ZNF804B: variants seen among roughly 807,000 people sequenced by gnomAD.
ZNF804B encodes the protein zinc finger 804B.
A neutral mutation model predicts 101.4 loss-of-function variants in ZNF804B; 80 were observed. That is an observed-to-expected ratio of 0.79 (90% CI 0.66 to 0.95). The LOEUF (loss-of-function observed/expected upper bound fraction) is 0.95, where lower values mean the gene tolerates loss of function less well. Ranked by LOEUF, ZNF804B falls within the 40% of genes least tolerant of loss-of-function variation. The pLI, the probability that ZNF804B is intolerant of heterozygous loss-of-function variation, is 0.00. For synonymous variants in ZNF804B, 622 were observed against 558.8 expected (o/e 1.11, Z -1.59); for missense variants, 1,673 against 1,561.9 (o/e 1.07, Z -1.20).
At chr7:88,854,529 T>TCCTTCCCTTCCCTTCCCTTCCCTC (rs1562812908) in intron 1 of ZNF804B, among the ~76,000 whole-genome samples, 1 of 57,920 alleles carries the variant, frequency 1.7e-5, no homozygotes, top group Admixed American at 2.1e-4. Flanking sequence ...TTCCTTCCTT[T>TCCTTCCCTTCCCTTCCCTTCCCTC]CCTTCCTTCC....
intron 1 of ZNF804B, among the ~76,000 whole-genome samples, chr7:88,839,006 G>A (rs78334442): frequency 0.026 from 3,931 of 151,916 alleles, 132 homozygotes; most frequent in African/African-American, 0.073. Context: ...ATACAATTAC[G>A]GTTAACTGTA....
chr7:89,168,148 A>AT (rs1414610948), intron 1 of ZNF804B, among the ~76,000 whole-genome samples: 1 of 151,990 alleles, frequency 6.6e-6, no homozygotes, highest in East Asian at 1.9e-4. Flanking sequence ...CAGAACGGGC[A>AT]TTTTTCTTCT....
intron 2 of ZNF804B, among the ~76,000 whole-genome samples, chr7:89,284,783 T>C (rs1437158971): frequency 1.3e-5 from 2 of 151,988 alleles, no homozygotes; most frequent in African/African-American, 2.4e-5. Context: ...GCTAATTTAA[T>C]GCTAACAAAG....
rs557981015 is a variant in ZNF804B, at chr7:89,219,407, A to T, written c.249+1112A>T. On this transcript the variant is annotated intron_variant, in intron 2 of 3. Coordinates refer to ENST00000333190, the MANE Select transcript of ZNF804B (RefSeq NM_181646.5). ...AAACATTGAAAACAGGCAAACAAAAAATCCAAAAGGGAAAAGCCTAGGGGT... is the reference window on the plus strand; with the variant it reads ...AAACATTGAAAACAGGCAAACAAAATATCCAAAAGGGAAAAGCCTAGGGGT... Among the ~76,000 whole-genome samples the T allele has an allele frequency of 3.5e-4, 53 of 152,062 alleles. 1 individual carries two copies. Among genetic ancestry groups the T allele is most frequent in the African/African-American group, 1.3e-3 (53 of 41,394 alleles).
chr7:88,976,446 C>A (rs1793616933), intron 1 of ZNF804B, among the ~76,000 whole-genome samples: 1 of 151,166 alleles, frequency 6.6e-6, no homozygotes, highest in South Asian at 2.1e-4. Context: ...TTTAAATTTT[C>A]AATGTAGAGA....
chr7:89,190,779 T>A (rs529185255), intron 1 of ZNF804B, among the ~76,000 whole-genome samples: 8 of 152,200 alleles, frequency 5.3e-5, no homozygotes, highest in African/African-American at 1.9e-4. Context: ...TCAGCAGAAA[T>A]CAACATCAAG....
chr7:88,948,749 C>T (rs925832183), intron 1 of ZNF804B, among the ~76,000 whole-genome samples: 7 of 151,748 alleles, frequency 4.6e-5, no homozygotes, highest in African/African-American at 9.7e-5. Flanking sequence ...TGGGGACCAC[C>T]GAAGTGACAT....
At chr7:88,845,212 C>T (rs1329613540) in intron 1 of ZNF804B, among the ~76,000 whole-genome samples, 16 of 152,068 alleles carry the variant, frequency 1.1e-4, no homozygotes, top group Admixed American at 1.0e-3. Context: ...TTCTGTGTAA[C>T]ATTTGGTTTA....
intron 1 of ZNF804B, among the ~76,000 whole-genome samples, chr7:89,123,497 G>A (rs1790434860): frequency 6.6e-6 from 1 of 152,072 alleles, no homozygotes; most frequent in Admixed American, 6.6e-5. Context: ...TATAATGAAG[G>A]GTTTGCTTTA....
At chr7:88,890,710 A>T (rs1427306344) in intron 1 of ZNF804B, among the ~76,000 whole-genome samples, 1 of 152,098 alleles carries the variant, frequency 6.6e-6, no homozygotes, top group African/African-American at 2.4e-5. Context: ...TTGCTGAGTT[A>T]TTGGTGGATA....
At chr7:89,078,231 T>C (rs1402623997) in intron 1 of ZNF804B, among the ~76,000 whole-genome samples, 2 of 152,104 alleles carry the variant, frequency 1.3e-5, no homozygotes, top group African/African-American at 2.4e-5. Context: ...ATTTACAATA[T>C]ATTATTGCAT....
intron 1 of ZNF804B, among the ~76,000 whole-genome samples, chr7:89,213,804 A>G (rs1227880853): frequency 2.6e-5 from 3 of 117,348 alleles, no homozygotes; most frequent in Non-Finnish European, 3.8e-5. Flanking sequence ...CTTATTTTCC[A>G]TATCTTTAAA....
chr7:89,112,385 C>T (rs1284827899), intron 1 of ZNF804B, among the ~76,000 whole-genome samples: 3 of 152,062 alleles, frequency 2.0e-5, no homozygotes, highest in Admixed American at 2.0e-4. Context: ...TGTCTTTTCC[C>T]CACTGAATAT....
At chr7:88,783,992 A>G (rs750070338) in intron 1 of ZNF804B, among the ~76,000 whole-genome samples, 1 of 152,180 alleles carries the variant, frequency 6.6e-6, no homozygotes, top group African/African-American at 2.4e-5. Context: ...TACAGAGATA[A>G]ATGGTTCATG....
At chr7:89,049,487 A>G (rs1789162496) in intron 1 of ZNF804B, among the ~76,000 whole-genome samples, 2 of 152,146 alleles carry the variant, frequency 1.3e-5, no homozygotes, top group African/African-American at 4.8e-5. Flanking sequence ...TACTTACACC[A>G]CAGAAACTGG....
At position 89,272,447 on chromosome 7, in the gene ZNF804B, G is replaced by A. The variant is rs60970567; in HGVS notation, c.249+54152G>A. On this transcript the variant is annotated intron_variant, in intron 2 of 3. Transcript: ENST00000333190. ...TTAATTAGCCTAACGTAGTGAACTTGTTCCATAAAACACAGATAGAACAGG... is the reference window on the plus strand; with the variant it reads ...TTAATTAGCCTAACGTAGTGAACTTATTCCATAAAACACAGATAGAACAGG... 7.8e-3 allele frequency among the ~76,000 whole-genome samples: 1,187 copies of A among 152,140 alleles called. 20 individuals carry two copies. The highest frequency in any genetic ancestry group is 0.027 in the African/African-American group (1,129 of 41,528).
intron 2 of ZNF804B, among the ~76,000 whole-genome samples, chr7:89,249,792 A>G (rs886128001): frequency 6.6e-6 from 1 of 152,184 alleles, no homozygotes; most frequent in African/African-American, 2.4e-5. Context: ...AAATCACACC[A>G]GAAGTGAATG....
intron 1 of ZNF804B, among the ~76,000 whole-genome samples, chr7:88,788,722 A>G (rs1484823158): frequency 2.0e-5 from 3 of 152,188 alleles, no homozygotes; most frequent in Admixed American, 6.6e-5. Flanking sequence ...TAATGAAGAT[A>G]CAAACATGTA....
chr7:88,967,519 T>C (rs558461742), intron 1 of ZNF804B, among the ~76,000 whole-genome samples: 12 of 151,614 alleles, frequency 7.9e-5, no homozygotes, highest in African/African-American at 2.7e-4. Flanking sequence ...GACCACTTCA[T>C]GTTAATGTCT....
Sources: allele counts gnomAD v4.1 joint callset (sites outside exome capture counted in the v4.1 genomes callset), GRCh38; gene constraint gnomAD v4.1.1; transcripts MANE v1.5; gene names NCBI Gene and HGNC (gene_info 2026-07-23, HGNC 2026-07-21).